The following ESYT2 variants were observed in gnomAD, a reference collection of about 807,000 sequenced individuals.
The protein encoded by ESYT2 is extended synaptotagmin 2.
ESYT2 carries 54 observed loss-of-function variants against 107.2 expected under a neutral mutation model. That is an observed-to-expected ratio of 0.50 (90% CI 0.40 to 0.63). The LOEUF (loss-of-function observed/expected upper bound fraction) is 0.63, where lower values mean the gene tolerates loss of function less well. Among genes scored for constraint, ESYT2 ranks in the 30% least tolerant of loss-of-function variants. ESYT2 has a pLI of 0.00. For missense variants in ESYT2, 1,020 were observed against 1,094.5 expected, an observed-to-expected ratio of 0.93 and a Z score of 0.96; for synonymous variants, 491 against 434.1, an observed-to-expected ratio of 1.13 and a Z score of -1.63.
intron 1 of ESYT2, among the ~76,000 whole-genome samples, chr7:158,802,846 CT>C (rs1236096768): frequency 6.6e-6 from 1 of 152,208 alleles, no homozygotes; most frequent in East Asian, 1.9e-4. Flanking sequence ...TAAAATGATT[CT>C]TTTAGAAACA....
intron 1 of ESYT2, among the ~76,000 whole-genome samples, chr7:158,816,876 G>A (rs58991869): frequency 0.021 from 3,202 of 152,248 alleles, 109 homozygotes; most frequent in African/African-American, 0.071. Flanking sequence ...ATTACATTTG[G>A]AGTTTCGGTT....
rs2305472 is a variant in ESYT2, at chr7:158,743,463, A to C, written c.1794+66T>G. 2.6e-6 allele frequency: 4 copies of C among 1,558,512 alleles called. No individual in the cohort carries two copies. In the African/African-American group the frequency reaches 5.6e-5, roughly 22 times the overall value. ...TTCACCGGCCTCATGCCCGGGGCCC[A>C]TGAGTATCCCTGCCAGCACCCGCCT... is the stretch of plus-strand genomic sequence containing the variant. On this transcript the variant is annotated intron_variant, in intron 17 of 22. Transcript: ENST00000275418.
chr7:158,755,995 C>A (rs1183414048), intron 13 of ESYT2, among the ~76,000 whole-genome samples: 1 of 152,132 alleles, frequency 6.6e-6, no homozygotes, highest in African/African-American at 2.4e-5. Context: ...TGCACATGTA[C>A]CCTATAACTT....
intron 4 of ESYT2, among the ~76,000 whole-genome samples, chr7:158,790,671 A>T (rs1166018537): frequency 1.3e-5 from 2 of 152,208 alleles, no homozygotes; most frequent in African/African-American, 4.8e-5. Flanking sequence ...TCATGCCTGT[A>T]ATCCTAGCAC....
chr7:158,735,866 G>A (rs181417380), intron 20 of ESYT2, among the ~76,000 whole-genome samples: 8 of 152,088 alleles, frequency 5.3e-5, no homozygotes, highest in East Asian at 1.9e-4. Flanking sequence ...GCTCACTCAC[G>A]GGTGGGTGAG....
At chr7:158,828,163 T>G (rs551496272) in intron 1 of ESYT2, among the ~76,000 whole-genome samples, 3 of 152,212 alleles carry the variant, frequency 2.0e-5, no homozygotes, top group Admixed American at 1.3e-4. Context: ...TATCTCCACA[T>G]CTTTCGAGAG....
intron 14 of ESYT2, among the ~76,000 whole-genome samples, chr7:158,750,232 C>T (rs1018572594): frequency 2.0e-5 from 3 of 151,984 alleles, no homozygotes; most frequent in African/African-American, 7.3e-5. Flanking sequence ...ATCTTGCTTA[C>T]CAGCTGCTAA....
chr7:158,816,143 C>T (rs967103096), intron 1 of ESYT2, among the ~76,000 whole-genome samples: 1 of 152,174 alleles, frequency 6.6e-6, no homozygotes, highest in South Asian at 2.1e-4. Context: ...CGGAGGAAGT[C>T]CAGCCTGGGC....
Position 158,799,046 on chromosome 7 carries a change from T to G in ESYT2, c.357A>C (p.Ala119=), listed in dbSNP as rs377140882. ...AWVHFPDTER[A]EWLNKTVKHM... is the part of the protein sequence containing the mutation. Reference sequence around the variant, plus strand: ...CTAATCTTACCTTATTTAGCCATTCTGCTCTTTCAGTGTCTGGAAAATGAA... The same window carrying G: ...CTAATCTTACCTTATTTAGCCATTCGGCTCTTTCAGTGTCTGGAAAATGAA... The change falls in exon 2 of 23, where the codon GCA becomes GCC. Residue 119 remains alanine (A), a synonymous_variant. Coordinates refer to ENST00000275418, the MANE Select transcript of ESYT2 (RefSeq NM_001367773.1). 2 of 1,613,658 alleles carry G rather than the reference T, an allele frequency of 1.2e-6. No individual in the cohort carries two copies. Among genetic ancestry groups the G allele is most frequent in the African/African-American group, 2.7e-5 (2 of 74,944 alleles).
At chr7:158,778,391 C>T (rs1158747848) in intron 6 of ESYT2, among the ~76,000 whole-genome samples, 2 of 151,028 alleles carry the variant, frequency 1.3e-5, no homozygotes, top group Non-Finnish European at 2.9e-5. Flanking sequence ...GATTTTGGAC[C>T]TGTTAATATA....
chr7:158,739,002 G>A lies in ESYT2; in HGVS notation c.2267+21C>T, dbSNP rs751892574. 10 of 1,607,730 alleles carry A rather than the reference G, an allele frequency of 6.2e-6. No homozygotes were observed. In the South Asian group the frequency reaches 8.8e-5, roughly 14 times the overall value. ...CACACTCAGCAGCACAGCAGCGGGC[G>A]CGTGGGACCCCAGCCCCCACCTGCA... On this transcript the variant is annotated intron_variant, in intron 19 of 22. Coordinates refer to ENST00000275418, the MANE Select transcript of ESYT2 (RefSeq NM_001367773.1).
At chr7:158,807,150 C>G (rs1443235976) in intron 1 of ESYT2, among the ~76,000 whole-genome samples, 1 of 150,278 alleles carries the variant, frequency 6.7e-6, no homozygotes, top group Non-Finnish European at 1.5e-5. Context: ...ACTCAGGAGG[C>G]TGAGGCAGGA....
chr7:158,773,063 C>G (rs552528409), intron 7 of ESYT2, among the ~76,000 whole-genome samples: 15 of 152,202 alleles, frequency 9.9e-5, no homozygotes, highest in Admixed American at 7.8e-4. Context: ...CATGCCAAGG[C>G]CAGGAAGACA....
At chr7:158,771,169 C>A (rs1286982807) in intron 7 of ESYT2, among the ~76,000 whole-genome samples, 1 of 152,150 alleles carries the variant, frequency 6.6e-6, no homozygotes, top group Non-Finnish European at 1.5e-5. Context: ...TGTAGGCTTG[C>A]CGGGGCAGAA....
chr7:158,827,114 G>A (rs1270724507), intron 1 of ESYT2, among the ~76,000 whole-genome samples: 1 of 146,040 alleles, frequency 6.8e-6, no homozygotes, highest in African/African-American at 2.6e-5. Flanking sequence ...AGTGAGCCGA[G>A]ATCACGCCAT....
intron 1 of ESYT2, among the ~76,000 whole-genome samples, chr7:158,810,400 C>T (rs1040200850): frequency 2.6e-5 from 4 of 152,068 alleles, no homozygotes; most frequent in South Asian, 4.1e-4. Flanking sequence ...AGAAGTGGGC[C>T]GGGCATGGTG....
At chr7:158,826,601 T>C (rs1840454231) in intron 1 of ESYT2, among the ~76,000 whole-genome samples, 1 of 148,704 alleles carries the variant, frequency 6.7e-6, no homozygotes, top group Admixed American at 6.7e-5. Flanking sequence ...GGCGGGTGGA[T>C]CACGAGGTCA....
chr7:158,786,860 C>CT (rs1171175288), intron 6 of ESYT2, among the ~76,000 whole-genome samples: 1 of 152,174 alleles, frequency 6.6e-6, no homozygotes, highest in Admixed American at 6.5e-5. Flanking sequence ...TTGCCAGACT[C>CT]TAAGGAGACA....
chr7:158,760,647 G>GT (rs1837930546), intron 11 of ESYT2, among the ~76,000 whole-genome samples: 1 of 152,304 alleles, frequency 6.6e-6, no homozygotes, highest in Admixed American at 6.5e-5. Context: ...AATGTACAGG[G>GT]TAAGAGGTAA....
Sources: gnomAD v4.1 joint callset for allele counts (sites outside exome capture counted in the v4.1 genomes callset) on GRCh38, gnomAD v4.1.1 for gene constraint, MANE v1.5 for transcripts, NCBI Gene and HGNC (gene_info 2026-07-23, HGNC 2026-07-21) for gene names.